Variants in PID1 observed in about 807,000 individuals in gnomAD.
PID1 encodes the protein phosphotyrosine interaction domain containing 1.
Under a neutral mutation model 19.1 loss-of-function variants are expected in PID1, and 10 were observed. That is an observed-to-expected ratio of 0.52 (90% CI 0.32 to 0.89). PID1 has a LOEUF of 0.89. Ranked by LOEUF, PID1 falls within the 40% of genes least tolerant of loss-of-function variation. The pLI, the probability that PID1 is intolerant of heterozygous loss-of-function variation, is 0.03. For missense variants in PID1, 248 were observed against 285.3 expected (o/e 0.87, Z 0.94); for synonymous variants, 130 against 116.0 (o/e 1.12, Z -0.78).
intron 1 of PID1, among the ~76,000 whole-genome samples, chr2:229,240,169 A>G (rs1056201940): frequency 6.6e-6 from 1 of 152,172 alleles, no homozygotes; most frequent in Non-Finnish European, 1.5e-5. Context: ...TATTTTCCAA[A>G]ATCACTTCAT....
At chr2:229,115,905 C>T (rs1393345098) in intron 2 of PID1, among the ~76,000 whole-genome samples, 1 of 152,096 alleles carries the variant, frequency 6.6e-6, no homozygotes, top group Non-Finnish European at 1.5e-5. Context: ...ATTCTATTTT[C>T]AACTAGCTTC....
chr2:229,098,425 A>C (rs1695012961), intron 2 of PID1, among the ~76,000 whole-genome samples: 1 of 152,206 alleles, frequency 6.6e-6, no homozygotes, highest in South Asian at 2.1e-4. Flanking sequence ...GAGCCTTGAA[A>C]TGAAGCTGCT....
intron 1 of PID1, among the ~76,000 whole-genome samples, chr2:229,248,259 T>A (rs1690053675): frequency 1.3e-5 from 2 of 152,164 alleles, no homozygotes; most frequent in South Asian, 4.1e-4. Context: ...TTTCTTAGCC[T>A]TTTTTTCTCT....
intron 1 of PID1, among the ~76,000 whole-genome samples, chr2:229,166,354 G>A (rs1028471416): frequency 1.3e-5 from 2 of 152,156 alleles, no homozygotes; most frequent in African/African-American, 2.4e-5. Context: ...GCTTTGTGGC[G>A]ATGGTCTCAT....
rs1180254206 is a variant in PID1 at position 229,193,665 on chromosome 2, C to CGT, written c.31-37703_31-37702dup. On this transcript the variant is annotated intron_variant, in intron 1 of 2. Transcript: ENST00000392055. ...TTGTTATTGTTACTATTTGTTATGT[C>CGT]GTGTGTGTGAGTGTGTGAGAGAGTA... is the stretch of plus-strand genomic sequence containing the variant. Among the ~76,000 whole-genome samples, 3 of 151,150 alleles carry CGT rather than the reference C, an allele frequency of 2.0e-5. No individual in the cohort carries two copies. In the East Asian group the frequency reaches 5.8e-4, roughly 29 times the overall value.
At chr2:229,160,856 C>T (rs975892259) in intron 1 of PID1, among the ~76,000 whole-genome samples, 1 of 152,132 alleles carries the variant, frequency 6.6e-6, no homozygotes. Context: ...CTTCCTATGG[C>T]AAAATTAACA....
Position 229,186,731 on chromosome 2 carries a change from C to T in PID1, c.31-30767G>A, listed in dbSNP as rs192045165. ...TCTGACATGCCCTGGAGACATTTTC[C>T]CCATTGTCTTGGGGACTAACTTTTG... is the stretch of plus-strand genomic sequence containing the variant. On this transcript the variant is annotated intron_variant, in intron 1 of 2. Coordinates refer to ENST00000392055, the MANE Select transcript of PID1 (RefSeq NM_001100818.2). Among the ~76,000 whole-genome samples the T allele has an allele frequency of 2.2e-4, 33 of 152,322 alleles. No homozygotes were observed. In the East Asian group the frequency reaches 6.4e-3, roughly 29 times the overall value.
chr2:229,089,983 G>T (rs1442897308), intron 2 of PID1, among the ~76,000 whole-genome samples: 2 of 152,112 alleles, frequency 1.3e-5, no homozygotes, highest in Non-Finnish European at 2.9e-5. Context: ...AACCCATTTG[G>T]TTAGAACAAG....
In PID1 at chr2:229,046,385, TGTGTGTGTGTGTGAGTCAGGA is replaced by T. The variant is rs1330470300; in HGVS notation, c.178-20298_178-20278del. ...GTGTGTGTGTGTGTGTGTGTGCGTG[TGTGTGTGTGTGTGAGTCAGGA>T]GGGGGGGAACCAAAAAACGCACTTT... On this transcript the variant is annotated intron_variant, in intron 2 of 2. Coordinates refer to ENST00000392055, the MANE Select transcript of PID1 (RefSeq NM_001100818.2). 3.9e-4 allele frequency among the ~76,000 whole-genome samples: 56 copies of T among 141,840 alleles called. 1 individual carries two copies. The highest frequency in any genetic ancestry group is 1.4e-3 in the African/African-American group (52 of 36,068). The allele number at this position is 141,840 out of a possible 152,430, so 93.1% of individuals were successfully genotyped here.
intron 1 of PID1, among the ~76,000 whole-genome samples, chr2:229,258,406 T>C (rs1016901899): frequency 9.2e-5 from 14 of 152,202 alleles, no homozygotes; most frequent in African/African-American, 3.4e-4. Flanking sequence ...ATTATAGAGT[T>C]CATTATTTAT....
chr2:229,108,918 T>C (rs1395017553), intron 2 of PID1, among the ~76,000 whole-genome samples: 1 of 152,222 alleles, frequency 6.6e-6, no homozygotes, highest in Non-Finnish European at 1.5e-5. Flanking sequence ...CTGAGTACTC[T>C]CTGTATGATA....
At chr2:229,184,100 G>A (rs377453214) in intron 1 of PID1, among the ~76,000 whole-genome samples, 16 of 5,210 alleles carry the variant, frequency 3.1e-3, no homozygotes, top group African/African-American at 0.016. Flanking sequence ...TATCCCATAT[G>A]TATATCCCAT....
chr2:229,102,049 T>C (rs1182854660), intron 2 of PID1, among the ~76,000 whole-genome samples: 6 of 152,120 alleles, frequency 3.9e-5, no homozygotes, highest in African/African-American at 1.4e-4. Flanking sequence ...ATTTGGCCAC[T>C]GCTGGCTTTG....
At chr2:229,261,937 A>T (rs2106292382) in intron 1 of PID1, among the ~76,000 whole-genome samples, 1 of 152,258 alleles carries the variant, frequency 6.6e-6, no homozygotes, top group South Asian at 2.1e-4. Flanking sequence ...CAGAATAAGA[A>T]CAGGCTCTTC....
chr2:229,204,227 T>A (rs1691557791), intron 1 of PID1, among the ~76,000 whole-genome samples: 1 of 151,954 alleles, frequency 6.6e-6, no homozygotes, highest in Non-Finnish European at 1.5e-5. Context: ...GAAACTATAG[T>A]TTATAGAGAG....
At chr2:229,196,943 C>T (rs1691390073) in intron 1 of PID1, among the ~76,000 whole-genome samples, 1 of 151,536 alleles carries the variant, frequency 6.6e-6, no homozygotes, top group Non-Finnish European at 1.5e-5. Context: ...TACCAATGAG[C>T]TAAAAATAAA....
intron 1 of PID1, among the ~76,000 whole-genome samples, chr2:229,240,271 G>A (rs1689837856): frequency 6.6e-6 from 1 of 151,908 alleles, no homozygotes; most frequent in South Asian, 2.1e-4. Context: ...CAAATAAAAT[G>A]AATCCCCTGA....
chr2:229,171,258 A>G (rs1232090074), intron 1 of PID1, among the ~76,000 whole-genome samples: 1 of 152,228 alleles, frequency 6.6e-6, no homozygotes. Flanking sequence ...CAGTTTGGGA[A>G]GAAAGTAAAA....
chr2:229,137,478 C>G (rs566592238), intron 2 of PID1, among the ~76,000 whole-genome samples: 15 of 152,280 alleles, frequency 9.9e-5, no homozygotes, highest in Admixed American at 9.8e-4. Flanking sequence ...TTAATACTTA[C>G]TACATTTCAA....
Sources: gnomAD v4.1 joint callset for allele counts (sites outside exome capture counted in the v4.1 genomes callset) on GRCh38, gnomAD v4.1.1 for gene constraint, MANE v1.5 for transcripts, NCBI Gene and HGNC (gene_info 2026-07-23, HGNC 2026-07-21) for gene names.